The following PMFBP1 variants were observed in gnomAD, a reference collection of about 807,000 sequenced individuals.
PMFBP1 encodes the protein polyamine modulated factor 1 binding protein 1.
Under a neutral mutation model 137.8 loss-of-function variants are expected in PMFBP1, and 131 were observed. The ratio of observed to expected loss-of-function variants is 0.95; its 90% confidence interval spans 0.82 to 1.10. The LOEUF (loss-of-function observed/expected upper bound fraction) is 1.10, where lower values mean the gene tolerates loss of function less well. Ranked by LOEUF, PMFBP1 falls within the 50% of genes least tolerant of loss-of-function variation. The probability of loss-of-function intolerance (pLI) is 0.00; values close to 1 mark genes in which losing one functional copy is unlikely to be tolerated. For missense variants in PMFBP1, 1,199 were observed against 1,175.4 expected, an observed-to-expected ratio of 1.02 and a Z score of -0.29; for synonymous variants, 490 against 450.4, an observed-to-expected ratio of 1.09 and a Z score of -1.11.
chr16:72,201,672 C>T, the PMFBP1 span, among the ~76,000 whole-genome samples: 4 of 152,232 alleles, frequency 2.6e-5, no homozygotes, highest in Non-Finnish European at 4.4e-5. Flanking sequence ...TATATTCAAT[C>T]ACAACATTTA....
chr16:72,192,884 A>G, the PMFBP1 span, among the ~76,000 whole-genome samples: 3 of 149,208 alleles, frequency 2.0e-5, no homozygotes, highest in Admixed American at 6.6e-5. Flanking sequence ...CCTGGGTGAC[A>G]GAGGGAGTCT....
the PMFBP1 span, among the ~76,000 whole-genome samples, chr16:72,225,688 G>T: frequency 1.4e-5 from 2 of 145,582 alleles, no homozygotes; most frequent in East Asian, 4.0e-4. Context: ...ACTCCAGCCG[G>T]GATGACAGAA....
chr16:72,223,045 C>A, the PMFBP1 span, among the ~76,000 whole-genome samples: 8 of 152,176 alleles, frequency 5.3e-5, no homozygotes, highest in Non-Finnish European at 8.8e-5. Context: ...CACAGCCTCA[C>A]TGGGTCATGA....
At chr16:72,188,028 C>T in the PMFBP1 span, among the ~76,000 whole-genome samples, 18 of 152,314 alleles carry the variant, frequency 1.2e-4, no homozygotes, top group East Asian at 5.8e-4. Flanking sequence ...TAGGCAAATG[C>T]CAAATGTTTT....
rs767153620 is a variant in PMFBP1, at chr16:72,136,733, T to C, written c.1005A>G (p.Glu335=). ...TCTTCTGTTCCGACACGGCCTCTAG[T>C]TCCACGCGCAGATCCTTCACCAGGT... The part of the protein sequence containing the change: ...YQNLVKDLRV[E]LEAVSEQKRN... Residue 335 remains glutamate (E), a synonymous_variant, in exon 8 of 21, where the codon GAA becomes GAG. Transcript: ENST00000237353. 5 of 1,614,022 alleles carry C rather than the reference T, an allele frequency of 3.1e-6. No individual in the cohort carries two copies. In the African/African-American group the frequency reaches 6.7e-5, roughly 22 times the overall value.
At chr16:72,166,532 C>A (rs2043147474) in intron 2 of PMFBP1, among the ~76,000 whole-genome samples, 1 of 152,150 alleles carries the variant, frequency 6.6e-6, no homozygotes, top group African/African-American at 2.4e-5. Context: ...CAAGAGGGTT[C>A]TTAAGTGAGG....
chr16:72,166,897 T>C (rs949964322), intron 2 of PMFBP1, among the ~76,000 whole-genome samples: 4 of 152,288 alleles, frequency 2.6e-5, no homozygotes, highest in Admixed American at 2.0e-4. Flanking sequence ...CAAAAGTGCA[T>C]AGTAGACAGG....
intron 3 of PMFBP1, among the ~76,000 whole-genome samples, chr16:72,158,769 G>A (rs893680795): frequency 2.6e-5 from 4 of 152,170 alleles, no homozygotes; most frequent in African/African-American, 7.2e-5. Flanking sequence ...CAAAGTGGGT[G>A]AATGGCTTGA....
chr16:72,131,690 G>A (rs886326072), intron 10 of PMFBP1, among the ~76,000 whole-genome samples: 5 of 152,170 alleles, frequency 3.3e-5, no homozygotes, highest in Admixed American at 2.6e-4. Context: ...GGAGAAAGAC[G>A]GACCCGTGAT....
At position 72,150,768 on chromosome 16, in the gene PMFBP1, A is replaced by C; in HGVS notation, c.476T>G (p.Leu159Trp). 1 of 1,614,170 alleles carries C rather than the reference A, an allele frequency of 6.2e-7. No individual in the cohort carries two copies. The highest frequency in any genetic ancestry group is 8.5e-7 in the Non-Finnish European group (1 of 1,180,014). Residue 159 changes from leucine to tryptophan, a missense_variant, in exon 5 of 21, where the codon TTG (leucine) becomes TGG (tryptophan). By Grantham distance (61) the Leu-to-Trp change is moderately conservative. Coordinates refer to ENST00000237353, the MANE Select transcript of PMFBP1 (RefSeq NM_031293.3). ...GGCCAAGGCGAGTTGCTCCTGCGCC[A>C]AATGGAGCTTCTCCCCTGTGTTCTC... Reference protein sequence around the residue: ...HNENTGEKLHLAQEQLALAGD... With the variant: ...HNENTGEKLHWAQEQLALAGD...
the PMFBP1 span, among the ~76,000 whole-genome samples, chr16:72,244,093 CAATT>C: frequency 6.6e-6 from 1 of 152,036 alleles, no homozygotes; most frequent in African/African-American, 2.4e-5. Context: ...CCCTCAAAAA[CAATT>C]AAACGTGTGC....
intron 5 of PMFBP1, among the ~76,000 whole-genome samples, chr16:72,141,988 G>C (rs1219234777): frequency 6.7e-6 from 1 of 148,954 alleles, no homozygotes; most frequent in East Asian, 2.0e-4. Context: ...AATCATAAGG[G>C]GGTAAATTGA....
the PMFBP1 span, among the ~76,000 whole-genome samples, chr16:72,225,815 C>T: frequency 6.6e-6 from 1 of 151,390 alleles, no homozygotes; most frequent in Non-Finnish European, 1.5e-5. Context: ...CCCATAGATG[C>T]TAGGTGTGTA....
chr16:72,153,515 C>T (rs1479571066), intron 4 of PMFBP1, among the ~76,000 whole-genome samples: 1 of 152,052 alleles, frequency 6.6e-6, no homozygotes, highest in African/African-American at 2.4e-5. Context: ...CATTTAGAAC[C>T]CATGGTTTAC....
chr16:72,186,366 A>G, the PMFBP1 span, among the ~76,000 whole-genome samples: 2 of 152,144 alleles, frequency 1.3e-5, no homozygotes, highest in African/African-American at 2.4e-5. Context: ...TTTTATGGAG[A>G]TAGTTGCATT....
rs536414027 is a variant in PMFBP1 at position 72,125,309 on chromosome 16, C to T, written c.2350G>A (p.Glu784Lys). The change falls in exon 16 of 21, where the codon GAG becomes AAG. Residue 784 changes from glutamate to lysine, a missense_variant. Physicochemically the swap from Glu to Lys is moderately conservative, Grantham distance 56. Coordinates refer to ENST00000237353, the MANE Select transcript of PMFBP1 (RefSeq NM_031293.3). Reference protein sequence around the residue: ...AQLEEEIIAYEERMKKLNTEL... With the variant: ...AQLEEEIIAYKERMKKLNTEL... ...GTATTGAGCTTTTTCATCCTTTCCT[C>T]ATAAGCAATGATTTCCTCTTCCAGC... 13 of 1,614,176 alleles carry T rather than the reference C, an allele frequency of 8.1e-6. No homozygotes were observed. Among genetic ancestry groups the T allele is most frequent in the African/African-American group, 1.3e-5 (1 of 75,040 alleles).
At chr16:72,133,629 C>T (rs1248786855) in intron 9 of PMFBP1, among the ~76,000 whole-genome samples, 2 of 152,154 alleles carry the variant, frequency 1.3e-5, no homozygotes, top group Admixed American at 6.5e-5. Context: ...CAGCAGGTAG[C>T]TAGTCAGGTG....
intron 5 of PMFBP1, among the ~76,000 whole-genome samples, chr16:72,146,276 C>G (rs374372911): frequency 6.6e-6 from 1 of 152,300 alleles, no homozygotes; most frequent in South Asian, 2.1e-4. Flanking sequence ...ACAAAAACCA[C>G]ATGATTACCT....
intron 20 of PMFBP1, 195 bp from the exon 21 acceptor site, chr16:72,119,549 G>A: frequency 6.9e-7 from 1 of 1,457,926 alleles, no homozygotes; most frequent in Non-Finnish European, 9.0e-7. Context: ...GCTCTTACGG[G>A]GTTTCCAGAC....
Sources: allele counts gnomAD v4.1 joint callset (sites outside exome capture counted in the v4.1 genomes callset), GRCh38; gene constraint gnomAD v4.1.1; transcripts MANE v1.5; gene names NCBI Gene and HGNC (gene_info 2026-07-23, HGNC 2026-07-21).